The following UGGT2 variants were observed in gnomAD, a reference collection of about 807,000 sequenced individuals.
The protein encoded by UGGT2 is UDP-glucose glycoprotein glucosyltransferase 2.
In UGGT2, 180 loss-of-function variants were observed where a neutral mutation model predicts 192.1. That is an observed-to-expected ratio of 0.94 (90% CI 0.83 to 1.06). The LOEUF is 1.06. Among genes scored for constraint, UGGT2 ranks in the 50% least tolerant of loss-of-function variants. UGGT2 has a pLI of 0.00. For synonymous variants in UGGT2, 580 were observed against 591.0 expected (o/e 0.98, Z 0.27); for missense variants, 1,849 against 1,795.7 (o/e 1.03, Z -0.54).
intron 38 of UGGT2, among the ~76,000 whole-genome samples, chr13:95,817,804 A>G (rs1311547038): frequency 1.3e-5 from 2 of 152,166 alleles, no homozygotes; most frequent in East Asian, 3.8e-4. Flanking sequence ...TCTAAGAGGG[A>G]GCAATATTAC....
intron 2 of UGGT2, among the ~76,000 whole-genome samples, chr13:96,031,033 T>C (rs1487905405): frequency 6.6e-6 from 1 of 152,178 alleles, no homozygotes; most frequent in Non-Finnish European, 1.5e-5. Flanking sequence ...TGAACCCTAA[T>C]GTAAACTATG....
intron 1 of UGGT2, among the ~76,000 whole-genome samples, chr13:96,046,827 C>T (rs1349746869): frequency 5.9e-5 from 9 of 152,336 alleles, no homozygotes; most frequent in East Asian, 1.9e-4. Context: ...TTATATCCTG[C>T]GCATGGCTTG....
chr13:95,887,490 T>G (rs1040297005), intron 26 of UGGT2: 3 of 311,972 alleles, frequency 9.6e-6, no homozygotes, highest in Non-Finnish European at 1.9e-5. Flanking sequence ...CAGGTTATTC[T>G]AAGCTAATTT....
At chr13:96,036,106 A>G (rs1273258355) in intron 1 of UGGT2, among the ~76,000 whole-genome samples, 2 of 152,226 alleles carry the variant, frequency 1.3e-5, no homozygotes, top group African/African-American at 2.4e-5. Flanking sequence ...ATGCACACAT[A>G]TGTCCACTGC....
At chr13:95,846,181 G>A (rs549379276) in intron 36 of UGGT2, among the ~76,000 whole-genome samples, 24 of 152,300 alleles carry the variant, frequency 1.6e-4, no homozygotes, top group African/African-American at 4.6e-4. Flanking sequence ...CCGGCACCTC[G>A]GGAGGCCAAG....
intron 20 of UGGT2, among the ~76,000 whole-genome samples, chr13:95,923,368 C>CTTTTTT (rs67003679): frequency 8.4e-6 from 1 of 119,662 alleles, no homozygotes; most frequent in Non-Finnish European, 1.7e-5. Flanking sequence ...TCAGCATATT[C>CTTTTTT]TTTTTTTTTT....
At chr13:95,995,694 C>A (rs1271304662) in intron 7 of UGGT2, among the ~76,000 whole-genome samples, 1 of 151,974 alleles carries the variant, frequency 6.6e-6, no homozygotes, top group Non-Finnish European at 1.5e-5. Flanking sequence ...GGACTATCCA[C>A]AAGATGTGAA....
At chr13:95,937,470 T>C (rs935309312) in intron 16 of UGGT2, among the ~76,000 whole-genome samples, 7 of 152,298 alleles carry the variant, frequency 4.6e-5, no homozygotes, top group Admixed American at 3.9e-4. Flanking sequence ...GAGTATGACA[T>C]TAACTTAATA....
chr13:95,861,518 T>C (rs1351220198), intron 31 of UGGT2, among the ~76,000 whole-genome samples: 1 of 152,092 alleles, frequency 6.6e-6, no homozygotes, highest in Non-Finnish European at 1.5e-5. Flanking sequence ...TCATTTTCAT[T>C]ACATTTTTGG....
At chr13:95,813,491 G>T (rs939260064) in intron 38 of UGGT2, among the ~76,000 whole-genome samples, 2 of 152,158 alleles carry the variant, frequency 1.3e-5, no homozygotes, top group Non-Finnish European at 2.9e-5. Flanking sequence ...ATGTGTCCTG[G>T]CTGTTTCTAG....
At position 95,996,037 on chromosome 13, in the gene UGGT2, C is replaced by T. The variant is rs774249887; in HGVS notation, c.830+26G>A. 1.9e-6 allele frequency: 3 copies of T among 1,598,578 alleles called. No homozygotes were observed. In the South Asian group the frequency reaches 3.3e-5, roughly 18 times the overall value. On this transcript the variant is annotated intron_variant, in intron 7 of 38. Transcript: ENST00000376747. ...TTAAAAACCAATGGGTATAATAATA[C>T]CAATTTCATTTCCATTCAGACTTAC...
At chr13:95,846,470 A>C (rs1464006328) in intron 36 of UGGT2, among the ~76,000 whole-genome samples, 1 of 151,896 alleles carries the variant, frequency 6.6e-6, no homozygotes, top group East Asian at 1.9e-4. Flanking sequence ...TATATTACTA[A>C]ATTTGATTAC....
intron 22 of UGGT2, among the ~76,000 whole-genome samples, chr13:95,895,667 C>G (rs1375538788): frequency 1.3e-5 from 2 of 151,876 alleles, no homozygotes; most frequent in African/African-American, 4.8e-5. Flanking sequence ...CCATTTCAAT[C>G]TGAATTCAAT....
chr13:95,826,683 G>C (rs1886080387), intron 38 of UGGT2, among the ~76,000 whole-genome samples: 1 of 151,844 alleles, frequency 6.6e-6, no homozygotes, highest in Non-Finnish European at 1.5e-5. Context: ...TATGATTCTT[G>C]AGGAAAACTG....
chr13:96,004,998 T>C (rs2051928685), intron 5 of UGGT2, among the ~76,000 whole-genome samples: 1 of 152,040 alleles, frequency 6.6e-6, no homozygotes, highest in African/African-American at 2.4e-5. Flanking sequence ...CCAATTGGTG[T>C]TGGGGTAGAG....
At chr13:95,814,858 A>C (rs1048182179) in intron 38 of UGGT2, among the ~76,000 whole-genome samples, 2 of 152,194 alleles carry the variant, frequency 1.3e-5, no homozygotes, top group African/African-American at 4.8e-5. Flanking sequence ...AAAACCAGCA[A>C]TATATAAAAA....
intron 7 of UGGT2, among the ~76,000 whole-genome samples, chr13:95,993,952 C>T (rs7331461): frequency 0.37 from 56,245 of 151,376 alleles, 10,871 homozygotes; most frequent in Middle Eastern, 0.44. Flanking sequence ...CTTCAATCAG[C>T]GTGGCAGGAA....
chr13:95,927,189 T>C (rs765442775), intron 18 of UGGT2, 24 bp downstream of exon 18: 7 of 1,609,152 alleles, frequency 4.4e-6, no homozygotes, highest in Non-Finnish European at 5.9e-6. Context: ...TAAACATTTG[T>C]AGAACAGTAT....
intron 12 of UGGT2, among the ~76,000 whole-genome samples, chr13:95,958,442 C>G (rs1044315746): frequency 6.6e-6 from 1 of 152,158 alleles, no homozygotes. Context: ...TAAGCCTCCA[C>G]GCCTGGCCAA....
Sources: gnomAD v4.1 joint callset for allele counts (sites outside exome capture counted in the v4.1 genomes callset) on GRCh38, gnomAD v4.1.1 for gene constraint, MANE v1.5 for transcripts, NCBI Gene and HGNC (gene_info 2026-07-23, HGNC 2026-07-21) for gene names.